The following GORAB variants were observed in gnomAD, a reference collection of about 807,000 sequenced individuals.
The protein encoded by GORAB is golgin, RAB6 interacting.
Under a neutral mutation model 29.9 loss-of-function variants are expected in GORAB, and 17 were observed. The observed-to-expected ratio is 0.57, with a 90% CI of 0.39 to 0.85. The LOEUF is 0.85. GORAB is among the 40% of genes least tolerant of loss of function. The probability of loss-of-function intolerance (pLI) is 0.00; values close to 1 mark genes in which losing one functional copy is unlikely to be tolerated. For missense variants in GORAB, 442 were observed against 437.8 expected, an observed-to-expected ratio of 1.01 and a Z score of -0.09; for synonymous variants, 183 against 157.2, an observed-to-expected ratio of 1.16 and a Z score of -1.23.
chr1:170,541,203 CAA>C (rs67384213), intron 2 of GORAB, among the ~76,000 whole-genome samples: 1 of 46,328 alleles, frequency 2.2e-5, no homozygotes, highest in Non-Finnish European at 3.6e-5. Flanking sequence ...GATTCTGTCC[CAA>C]AAAAAAAAAA....
At chr1:170,543,988 A>G (rs1198583194) in intron 3 of GORAB, among the ~76,000 whole-genome samples, 1 of 152,172 alleles carries the variant, frequency 6.6e-6, no homozygotes, top group African/African-American at 2.4e-5. Flanking sequence ...TTCCTTCACA[A>G]TGTGTGTGAA....
chr1:170,533,256 C>T (rs1244713486), intron 1 of GORAB, among the ~76,000 whole-genome samples: 2 of 152,052 alleles, frequency 1.3e-5, no homozygotes, highest in Non-Finnish European at 2.9e-5. Context: ...TAATCTAGGG[C>T]AGACAAGTGG....
intron 2 of GORAB, among the ~76,000 whole-genome samples, chr1:170,539,967 C>CTT (rs769148399): frequency 4.4e-5 from 6 of 137,354 alleles, no homozygotes; most frequent in Admixed American, 7.3e-5. Flanking sequence ...TTTTTTCTTT[C>CTT]TTTTTTTTTT....
chr1:170,533,815 C>T (rs1442005380), intron 1 of GORAB, among the ~76,000 whole-genome samples: 1 of 152,112 alleles, frequency 6.6e-6, no homozygotes, highest in Non-Finnish European at 1.5e-5. Flanking sequence ...GTGACCACCT[C>T]GAGGACGGAA....
intron 1 of GORAB, among the ~76,000 whole-genome samples, chr1:170,536,809 T>G (rs1378806552): frequency 2.6e-5 from 4 of 152,186 alleles, no homozygotes; most frequent in African/African-American, 4.8e-5. Context: ...GTAAAACAGA[T>G]GTACAGCACA....
intron 1 of GORAB, among the ~76,000 whole-genome samples, chr1:170,538,683 A>G (rs1649201776): frequency 6.6e-6 from 1 of 152,214 alleles, no homozygotes; most frequent in Non-Finnish European, 1.5e-5. Context: ...TCCTAGAAAT[A>G]AGAGACTTCA....
chr1:170,536,663 G>A (rs1649081492), intron 1 of GORAB, among the ~76,000 whole-genome samples: 1 of 152,152 alleles, frequency 6.6e-6, no homozygotes, highest in East Asian at 1.9e-4. Flanking sequence ...GCAAAAACCT[G>A]TAACCAACCT....
rs149089833 is a variant in GORAB at position 170,552,416 on chromosome 1, G to T, written c.1064G>T (p.Cys355Phe). 69 of 1,614,014 alleles carry T rather than the reference G, an allele frequency of 4.3e-5. 1 individual carries two copies. The East Asian group carries it at 1.4e-3, about 33-fold the overall frequency. ...SSSIPFLSPN[C>F]PNQEGNDISA... ...AGCATCCCCTTTCTTAGTCCAAACT[G>T]CCCAAATCAAGAAGGTAATGACATT... The change falls in exon 5 of 5, where the codon TGC becomes TTC. Residue 355 changes from cysteine (C) to phenylalanine (F), a missense_variant. Transcript: ENST00000367763.
chr1:170,534,845 G>A (rs1244097346), intron 1 of GORAB, among the ~76,000 whole-genome samples: 1 of 152,138 alleles, frequency 6.6e-6, no homozygotes, highest in African/African-American at 2.4e-5. Flanking sequence ...GTTAAGTGAC[G>A]TATGATTGTA....
At chr1:170,547,406 G>GCTGCTGCTA (rs56089801) in intron 4 of GORAB, among the ~76,000 whole-genome samples, 223 of 149,708 alleles carry the variant, frequency 1.5e-3, no homozygotes, top group African/African-American at 5.3e-3. Flanking sequence ...TGCTGCTGCT[G>GCTGCTGCTA]CTGCTGCTAC....
At chr1:170,538,463 T>C (rs766780878) in intron 1 of GORAB, among the ~76,000 whole-genome samples, 4 of 152,184 alleles carry the variant, frequency 2.6e-5, no homozygotes, top group Non-Finnish European at 4.4e-5. Flanking sequence ...ATGTTAACAC[T>C]GGCATGGACA....
At chr1:170,538,932 C>G in intron 1 of GORAB, 1 of 406,506 alleles carries the variant, frequency 2.5e-6, no homozygotes. Flanking sequence ...GAAAAAGAAA[C>G]TTCACTTTGT....
chr1:170,552,126 A>C lies in GORAB; in HGVS notation c.774A>C (p.Gln258His). The C allele has an allele frequency of 6.2e-7, 1 of 1,614,158 alleles. No homozygotes were observed. The highest frequency in any genetic ancestry group is 1.1e-5 in the South Asian group (1 of 91,090). ...AACACCTTTGTACGATCATACAGCAAAATGAGCTCCGAAAGGCCAAGAAGT... is the reference window on the plus strand; with the variant it reads ...AACACCTTTGTACGATCATACAGCACAATGAGCTCCGAAAGGCCAAGAAGT... ...LTEHLCTIIQ[Q>H]NELRKAKKLE... is the part of the protein sequence containing the mutation. The change falls in exon 5 of 5, where the codon CAA (glutamine) becomes CAC (histidine). Residue 258 changes from glutamine to histidine, a missense_variant. By Grantham distance (24) the Gln-to-His change is conservative. Transcript: ENST00000367763.
intron 4 of GORAB, among the ~76,000 whole-genome samples, chr1:170,548,264 C>T (rs767066547): frequency 6.6e-6 from 1 of 152,240 alleles, no homozygotes; most frequent in African/African-American, 2.4e-5. Flanking sequence ...GCTTTTTCTT[C>T]TCTCTCTAAA....
chr1:170,543,420 G>A (rs1356838881), intron 3 of GORAB, among the ~76,000 whole-genome samples: 1 of 152,006 alleles, frequency 6.6e-6, no homozygotes, highest in Admixed American at 6.6e-5. Context: ...TAGAGTATGT[G>A]TAGGGGCAGG....
chr1:170,535,390 T>C (rs1221068445), intron 1 of GORAB, among the ~76,000 whole-genome samples: 1 of 152,208 alleles, frequency 6.6e-6, no homozygotes, highest in Non-Finnish European at 1.5e-5. Flanking sequence ...AATGAAAAAT[T>C]GGAAGAAAAC....
rs947082956 is a variant in GORAB at position 170,545,691 on chromosome 1, G to T, written c.662+846G>T. 5 of 984,016 alleles carry T rather than the reference G, an allele frequency of 5.1e-6. 1 individual carries two copies. In the East Asian group the frequency reaches 3.4e-4, roughly 67 times the overall value. The allele number at this position is 984,016 out of a possible 1,614,324, so 61.0% of individuals were successfully genotyped here. ...AGAAATGAATCAGAATGCCTCATTA[G>T]GCCAGGGTAAACCACAACATCAGAA... On this transcript the variant is annotated intron_variant, in intron 4 of 4. Transcript: ENST00000367763.
chr1:170,545,376 C>A, intron 4 of GORAB: 1 of 950,648 alleles, frequency 1.1e-6, no homozygotes, highest in Non-Finnish European at 1.3e-6. Context: ...AATATTTTCT[C>A]TTTTTTTTTC....
Position 170,539,419 on chromosome 1 carries a change from C to T in GORAB, c.271C>T (p.Leu91Phe). 1.9e-6 allele frequency: 3 copies of T among 1,614,118 alleles called. No individual in the cohort carries two copies. The highest frequency in any genetic ancestry group is 1.1e-5 in the South Asian group (1 of 91,084). The change falls in exon 2 of 5, where the codon CTC (leucine) becomes TTC (phenylalanine). Residue 91 changes from leucine (L) to phenylalanine (F), a missense_variant. Coordinates refer to ENST00000367763, the MANE Select transcript of GORAB (RefSeq NM_152281.3). The stretch of plus-strand genomic sequence containing the variant: ...CCCTACTCTTCCGAGTCATTTCACT[C>T]TCACCTCCCCCGTTGGTGATGGACA... ...SSPTLPSHFT[L>F]TSPVGDGQPQ...
Sources: allele counts gnomAD v4.1 joint callset (sites outside exome capture counted in the v4.1 genomes callset), GRCh38; gene constraint gnomAD v4.1.1; transcripts MANE v1.5; gene names NCBI Gene and HGNC (gene_info 2026-07-23, HGNC 2026-07-21).